ZNF644: variants seen among roughly 807,000 people sequenced by gnomAD.
ZNF644 encodes zinc finger protein 644, also known as zinc finger motif enhancer binding protein 2.
ZNF644 carries 20 observed loss-of-function variants against 108.0 expected under a neutral mutation model. The ratio of observed to expected loss-of-function variants is 0.19; its 90% CI spans 0.13 to 0.27. The LOEUF (loss-of-function observed/expected upper bound fraction) is 0.27, where lower values mean the gene tolerates loss of function less well. Among genes scored for constraint, ZNF644 ranks in the 10% least tolerant of loss-of-function variants. The probability of loss-of-function intolerance (pLI) is 1.00; values close to 1 mark genes in which losing one functional copy is unlikely to be tolerated. For missense variants in ZNF644, 1,338 were observed against 1,548.9 expected (o/e 0.86, Z 2.29); for synonymous variants, 542 against 539.1 (o/e 1.01, Z -0.08).
intron 1 of ZNF644, among the ~76,000 whole-genome samples, chr1:90,989,251 A>T (rs939710645): frequency 1.6e-4 from 24 of 152,338 alleles, no homozygotes; most frequent in African/African-American, 5.8e-4. Context: ...TAAAACAAGC[A>T]CACAAAAAGA....
At position 90,939,939 on chromosome 1, in the gene ZNF644, T is replaced by A; in HGVS notation, c.1415A>T (p.Glu472Val). 6.2e-7 allele frequency: 1 copy of A among 1,614,084 alleles called. No homozygotes were observed. Among genetic ancestry groups the A allele is most frequent in the Non-Finnish European group, 8.5e-7 (1 of 1,179,956 alleles). The change falls in exon 3 of 6, where the codon GAG becomes GTG. Residue 472 changes from glutamate (E) to valine (V), a missense_variant. Around this residue, in one of 6 missense-constraint regions of ZNF644, gnomAD observed 80 missense variants for 183.0 expected, o/e 0.44. Transcript: ENST00000337393. ...TTCCTCCATCAACTTCTGTCTTCTC[T>A]CCTGGTGAATAATCATATGTTTTAG... ...SLLKHMIIHQ[E>V]RRQKLMEEIR...
In ZNF644 at chr1:90,940,482, C is replaced by T. The variant is rs1318068452; in HGVS notation, c.872G>A (p.Arg291Lys). Residue 291 changes from arginine to lysine, a missense_variant, in exon 3 of 6, where the codon AGA (arginine) becomes AAA (lysine). Physicochemically the swap from Arg to Lys is conservative, Grantham distance 26 (BLOSUM62 2). Transcript: ENST00000337393. ...CTTGCTTACATCCATTTTTCGCTTT[C>T]TTTTTTTTTCTAGACCTATTTTAGA... ...PHSKIGLEKK[R>K]KRKMDVSKIT... 6.2e-7 allele frequency: 1 copy of T among 1,610,020 alleles called. No homozygotes were observed. The highest frequency in any genetic ancestry group is 1.7e-5 in the Admixed American group (1 of 59,786).
At chr1:90,943,006 T>C (rs559343698) in intron 2 of ZNF644, among the ~76,000 whole-genome samples, 2 of 152,278 alleles carry the variant, frequency 1.3e-5, no homozygotes, top group African/African-American at 4.8e-5. Flanking sequence ...GCATAACAAG[T>C]AATACTATTT....
chr1:90,917,732 A>C (rs1648950431), intron 5 of ZNF644, among the ~76,000 whole-genome samples: 1 of 152,196 alleles, frequency 6.6e-6, no homozygotes, highest in African/African-American at 2.4e-5. Context: ...TCCTGGCCTC[A>C]AGTGATCCAC....
At chr1:91,006,728 T>C (rs368078099) in intron 1 of ZNF644, among the ~76,000 whole-genome samples, 19 of 152,220 alleles carry the variant, frequency 1.2e-4, no homozygotes, top group Admixed American at 1.1e-3. Context: ...TATCCTTGAA[T>C]CTCCCTTCAT....
At chr1:90,973,789 T>C (rs1325185050) in intron 2 of ZNF644, among the ~76,000 whole-genome samples, 1 of 152,172 alleles carries the variant, frequency 6.6e-6, no homozygotes, top group Non-Finnish European at 1.5e-5. Flanking sequence ...GTGATACTTT[T>C]AAGTCATTCA....
intron 2 of ZNF644, among the ~76,000 whole-genome samples, chr1:90,978,224 C>T (rs1656196921): frequency 6.6e-6 from 1 of 151,860 alleles, no homozygotes; most frequent in Non-Finnish European, 1.5e-5. Context: ...TGGTGGCATG[C>T]ACCTATAGTC....
chr1:90,956,568 G>A (rs547694498), intron 2 of ZNF644, among the ~76,000 whole-genome samples: 1 of 152,222 alleles, frequency 6.6e-6, no homozygotes, highest in East Asian at 1.9e-4. Context: ...ATTTACAGCT[G>A]TAAATACCTA....
chr1:90,938,088 T>G lies in ZNF644; in HGVS notation c.3085A>C (p.Ile1029Leu). The change falls in exon 4 of 6, where the codon ATA becomes CTA. Residue 1029 changes from isoleucine (I) to leucine (L), a missense_variant and splice_region_variant. Ile to Leu is a conservative substitution (Grantham distance 5). This residue lies in a region of ZNF644 where 287 missense variants were observed against 310.9 expected (regional missense o/e 0.92). Coordinates refer to ENST00000337393, the MANE Select transcript of ZNF644 (RefSeq NM_201269.3). The surrounding 1 kb of genome is among the most constrained non-coding windows in gnomAD (Gnocchi z 4.2). ...TCAGAAGTGGTTTCAGACTTCTCTA[T>G]AGCTAGAAAAAAATTTTTAAGAGTA... ...GTPVKRVRKA[I>L]EKSETTSEHT... is the part of the protein sequence containing the mutation. 6.2e-7 allele frequency: 1 copy of G among 1,610,870 alleles called. No homozygotes were observed. The highest frequency in any genetic ancestry group is 8.5e-7 in the Non-Finnish European group (1 of 1,179,698).
chr1:90,993,032 AGACCCT>A (rs1428260161), intron 1 of ZNF644, among the ~76,000 whole-genome samples: 1 of 152,210 alleles, frequency 6.6e-6, no homozygotes. Flanking sequence ...CAACAGAGCA[AGACCCT>A]GTCTCTTAAA....
intron 4 of ZNF644, chr1:90,935,459 G>A: frequency 1.0e-6 from 1 of 985,848 alleles, no homozygotes; most frequent in Non-Finnish European, 1.2e-6. Context: ...GCGCGTAAGT[G>A]GTTGGACAGG....
At chr1:90,975,367 T>C (rs893139493) in intron 2 of ZNF644, among the ~76,000 whole-genome samples, 7 of 152,066 alleles carry the variant, frequency 4.6e-5, no homozygotes, top group South Asian at 2.1e-4. Flanking sequence ...CAATAAAATA[T>C]TAAACAAAAA....
At chr1:90,920,670 G>A (rs1649327330) in intron 4 of ZNF644, among the ~76,000 whole-genome samples, 1 of 151,938 alleles carries the variant, frequency 6.6e-6, no homozygotes, top group Non-Finnish European at 1.5e-5. Flanking sequence ...GTAGCAATGA[G>A]TATTTGAAGG....
Position 90,916,997 on chromosome 1 carries a change from A to G in ZNF644, c.3792-7T>C. ...AAAGACTAGGCCACAAAACCTACAGAAAGATAACAATTCTCTTAACATGAC... is the reference window on the plus strand; with the variant it reads ...AAAGACTAGGCCACAAAACCTACAGGAAGATAACAATTCTCTTAACATGAC... On this transcript the variant is annotated splice_region_variant and splice_polypyrimidine_tract_variant and intron_variant, in intron 5 of 5. Coordinates refer to ENST00000337393, the MANE Select transcript of ZNF644 (RefSeq NM_201269.3). 1 of 1,614,104 alleles carries G rather than the reference A, an allele frequency of 6.2e-7. No individual in the cohort carries two copies. Among genetic ancestry groups the G allele is most frequent in the Non-Finnish European group, 8.5e-7 (1 of 1,179,952 alleles).
chr1:90,916,863 G>A lies in ZNF644; in HGVS notation c.3919C>T (p.Leu1307Phe). ...TCTGTAATGGAGGCAGGCTTTTTAAGTAGTGACGTGACTTCCACCATGCCA... is the reference window on the plus strand; with the variant it reads ...TCTGTAATGGAGGCAGGCTTTTTAAATAGTGACGTGACTTCCACCATGCCA... The part of the protein sequence containing the change: ...GAGMVEVTSL[L>F]KKPASITETS... Residue 1307 changes from leucine to phenylalanine, a missense_variant, in exon 6 of 6, where the codon CTT (leucine) becomes TTT (phenylalanine). By Grantham distance (22) the Leu-to-Phe change is conservative. Transcript: ENST00000337393. 2 of 1,614,206 alleles carry A rather than the reference G, an allele frequency of 1.2e-6. No homozygotes were observed. Among genetic ancestry groups the A allele is most frequent in the Non-Finnish European group, 1.7e-6 (2 of 1,180,040 alleles).
intron 2 of ZNF644, among the ~76,000 whole-genome samples, chr1:90,972,009 A>T (rs1570468680): frequency 1.3e-5 from 2 of 152,208 alleles, no homozygotes. Context: ...AGTCCCAGCT[A>T]CTCAGGAGGC....
intron 1 of ZNF644, among the ~76,000 whole-genome samples, chr1:90,995,008 C>G (rs1326736233): frequency 1.3e-5 from 2 of 152,020 alleles, no homozygotes; most frequent in Non-Finnish European, 2.9e-5. Context: ...CTGAATCATT[C>G]ATTAAAACAT....
chr1:90,995,171 A>C (rs1658033132), intron 1 of ZNF644, among the ~76,000 whole-genome samples: 1 of 152,192 alleles, frequency 6.6e-6, no homozygotes, highest in Non-Finnish European at 1.5e-5. Flanking sequence ...GTATGTTATG[A>C]AAATTAAAAG....
At chr1:91,007,220 A>ATTTTTTTTTTTTTTTTTTTTTTTT (rs1557658483) in intron 1 of ZNF644, among the ~76,000 whole-genome samples, 2 of 30,276 alleles carry the variant, frequency 6.6e-5, no homozygotes. Context: ...ATTTTCTCCC[A>ATTTTTTTTTTTTTTTTTTTTTTTT]TTTTGTTTTT....
Sources: allele counts gnomAD v4.1 joint callset (sites outside exome capture counted in the v4.1 genomes callset), GRCh38; gene constraint gnomAD v4.1.1; regional missense constraint gnomAD v4.1.1; non-coding constraint Gnocchi (gnomAD v3.1); transcripts MANE v1.5; gene names NCBI Gene and HGNC (gene_info 2026-07-23, HGNC 2026-07-21).